The following ERICH1 variants were observed in gnomAD, a reference collection of about 807,000 sequenced individuals.
ERICH1 encodes glutamate rich 1.
In ERICH1, 56 loss-of-function variants were observed where a neutral mutation model predicts 39.6. The observed-to-expected ratio is 1.41, with a 90% CI of 1.14 to 1.77. The LOEUF (loss-of-function observed/expected upper bound fraction) is 1.77, where lower values mean the gene tolerates loss of function less well. Among genes scored for constraint, ERICH1 ranks in the 40% most tolerant of loss-of-function variants. The pLI is 0.00. For synonymous variants in ERICH1, 313 were observed against 223.6 expected, an observed-to-expected ratio of 1.40 and a Z score of -3.57; for missense variants, 826 against 575.4, an observed-to-expected ratio of 1.44 and a Z score of -4.45.
At chr8:618,413 C>G (rs1797070081) in intron 3 of ERICH1, among the ~76,000 whole-genome samples, 1 of 152,114 alleles carries the variant, frequency 6.6e-6, no homozygotes, top group African/African-American at 2.4e-5. Context: ...CCATCACTGC[C>G]CTCTGAGTGC....
At position 644,982 on chromosome 8, in the gene ERICH1, G is replaced by C. The variant is rs1799403936; in HGVS notation, c.976+23616C>G. On this transcript the variant is annotated intron_variant, in intron 3 of 3. Transcript: ENST00000522706. ...CGGGGCCCAGGACCAGAAGGAATGA[G>C]ATCCTTCTCCTCCCACGGGCTGGTC... 4.3e-5 allele frequency among the ~76,000 whole-genome samples: 3 copies of C among 69,292 alleles called. 1 individual carries two copies. Among genetic ancestry groups the C allele is most frequent in the African/African-American group, 1.1e-4 (3 of 27,594 alleles). The allele number at this position is 69,292 out of a possible 152,430, so 45.5% of individuals were successfully genotyped here. A position where few individuals can be genotyped will look rare whatever the true frequency, so the allele number is the denominator to read the frequency against.
At chr8:727,145 GCACA>G (rs756062476) in intron 1 of ERICH1, among the ~76,000 whole-genome samples, 10 of 151,876 alleles carry the variant, frequency 6.6e-5, no homozygotes, top group Non-Finnish European at 1.3e-4. Flanking sequence ...CTGCACAGAT[GCACA>G]CAGACATGCA....
chr8:677,687 A>T (rs1805168957), intron 3 of ERICH1, among the ~76,000 whole-genome samples: 1 of 152,212 alleles, frequency 6.6e-6, no homozygotes, highest in African/African-American at 2.4e-5. Context: ...GGTTCTGTTA[A>T]AAAAAGATGA....
At chr8:655,477 G>A (rs745832146) in intron 3 of ERICH1, among the ~76,000 whole-genome samples, 14 of 152,188 alleles carry the variant, frequency 9.2e-5, no homozygotes, top group Non-Finnish European at 1.8e-4. Flanking sequence ...TGTTCTGGAC[G>A]ATGGTGCACC....
At chr8:679,749 C>T (rs1032969203) in intron 3 of ERICH1, among the ~76,000 whole-genome samples, 17 of 152,246 alleles carry the variant, frequency 1.1e-4, no homozygotes, top group African/African-American at 3.9e-4. Context: ...CCTGTGACAT[C>T]ACTGTGGTCA....
intron 3 of ERICH1, among the ~76,000 whole-genome samples, chr8:659,035 C>T (rs1279710970): frequency 1.8e-5 from 2 of 110,972 alleles, no homozygotes; most frequent in Admixed American, 1.9e-4. Flanking sequence ...CCATCGAGAT[C>T]TCCGGTGTGC....
At chr8:618,572 C>T (rs188685620) in intron 3 of ERICH1, among the ~76,000 whole-genome samples, 122 of 152,360 alleles carry the variant, frequency 8.0e-4, no homozygotes, top group African/African-American at 2.9e-3. Flanking sequence ...TCCCACCCCA[C>T]TGTCTTTCAG....
intron 3 of ERICH1, among the ~76,000 whole-genome samples, chr8:616,960 C>CAGAGAGAGAGAGAGAG (rs1188369957): frequency 2.0e-4 from 2 of 9,944 alleles, no homozygotes; most frequent in African/African-American, 2.3e-3. Flanking sequence ...GAGACAGAGA[C>CAGAGAGAGAGAGAGAG]ACACAGAGAG....
intron 3 of ERICH1, among the ~76,000 whole-genome samples, chr8:650,923 G>C (rs1167503504): frequency 1.3e-5 from 2 of 152,188 alleles, no homozygotes; most frequent in Non-Finnish European, 2.9e-5. Context: ...AATAGATCTG[G>C]GGTCCTGTCA....
chr8:713,738 C>G (rs1563333585), intron 2 of ERICH1, among the ~76,000 whole-genome samples: 2 of 152,136 alleles, frequency 1.3e-5, no homozygotes, highest in East Asian at 1.9e-4. Context: ...CTGCTGAGAT[C>G]CTGGTGCGCA....
At chr8:691,301 G>A (rs1229640844) in intron 3 of ERICH1, among the ~76,000 whole-genome samples, 1 of 152,226 alleles carries the variant, frequency 6.6e-6, no homozygotes, top group Non-Finnish European at 1.5e-5. Flanking sequence ...TCTATGTGGT[G>A]CAAGTATCTT....
intron 2 of ERICH1, 65 bp downstream of exon 2, chr8:715,796 C>T: frequency 6.4e-7 from 1 of 1,553,308 alleles, no homozygotes; most frequent in Non-Finnish European, 8.7e-7. Flanking sequence ...TTCTCCAAGG[C>T]AAGTGATGAT....
At chr8:716,145 C>A in intron 1 of ERICH1, 138 bp from the exon 2 acceptor site, 4 of 1,052,390 alleles carry the variant, frequency 3.8e-6, no homozygotes, top group Non-Finnish European at 5.2e-6. Flanking sequence ...CTGGTCCTCC[C>A]ACGCTGGGCA....
intron 3 of ERICH1, among the ~76,000 whole-genome samples, chr8:654,411 GCCT>G (rs1800351770): frequency 2.6e-5 from 4 of 152,180 alleles, no homozygotes; most frequent in Admixed American, 2.6e-4. Flanking sequence ...CTGGGACGGG[GCCT>G]CCTCGAGGGG....
intron 5 of ERICH1, 128 bp from the exon 6 acceptor site, chr8:664,804 T>G: frequency 1.5e-6 from 1 of 674,456 alleles, no homozygotes; most frequent in Non-Finnish European, 2.4e-6. Context: ...AAATGCAACT[T>G]TGGCATGAAA....
chr8:699,078 G>A (rs1811054728), intron 2 of ERICH1, among the ~76,000 whole-genome samples: 1 of 151,812 alleles, frequency 6.6e-6, no homozygotes, highest in Non-Finnish European at 1.5e-5. Flanking sequence ...AAAGAGCACC[G>A]CACTACGGCC....
intron 1 of ERICH1, among the ~76,000 whole-genome samples, chr8:723,339 A>G (rs1817778117): frequency 2.0e-5 from 3 of 152,248 alleles, no homozygotes; most frequent in Admixed American, 2.0e-4. Context: ...AGAACAGACT[A>G]ACACTCACAG....
chr8:663,651 T>C (rs1310403850), downstream of ERICH1, among the ~76,000 whole-genome samples: 1 of 152,168 alleles, frequency 6.6e-6, no homozygotes, highest in Non-Finnish European at 1.5e-5. Context: ...CCTTGAATCA[T>C]GCACCTAAAA....
chr8:697,928 G>A (rs1810729146), intron 2 of ERICH1, among the ~76,000 whole-genome samples: 1 of 151,952 alleles, frequency 6.6e-6, no homozygotes, highest in African/African-American at 2.4e-5. Flanking sequence ...TGTGGGGAAT[G>A]AGGCAGCTGC....
Sources: gnomAD v4.1 joint callset for allele counts (sites outside exome capture counted in the v4.1 genomes callset) on GRCh38, gnomAD v4.1.1 for gene constraint, MANE v1.5 for transcripts, NCBI Gene and HGNC (gene_info 2026-07-23, HGNC 2026-07-21) for gene names.